TP63: variants seen among roughly 807,000 people sequenced by gnomAD.
The protein encoded by TP63 is tumor protein p63, also known as tumor protein 63.
A neutral mutation model predicts 82.8 loss-of-function variants in TP63; 17 were observed. That is an observed-to-expected ratio of 0.21 (90% CI 0.14 to 0.31). The LOEUF (loss-of-function observed/expected upper bound fraction) is 0.31. Among genes scored for constraint, TP63 ranks in the 10% least tolerant of loss-of-function variants. TP63 has a pLI of 1.00. For synonymous variants in TP63, 330 were observed against 321.7 expected, an observed-to-expected ratio of 1.03 and a Z score of -0.28; for missense variants, 648 against 895.3, an observed-to-expected ratio of 0.72 and a Z score of 3.52.
intron 4 of TP63, among the ~76,000 whole-genome samples, chr3:189,824,518 C>A (rs1245625015): frequency 6.6e-6 from 1 of 152,134 alleles, no homozygotes; most frequent in Non-Finnish European, 1.5e-5. Context: ...CAGGAGTGAG[C>A]CACCGTGCCT....
At chr3:189,820,942 A>G (rs569327032) in intron 4 of TP63, among the ~76,000 whole-genome samples, 2 of 152,326 alleles carry the variant, frequency 1.3e-5, no homozygotes, top group Admixed American at 6.5e-5. Flanking sequence ...TCCTTTGCCT[A>G]GTAAGCCTTG....
intron 10 of TP63, among the ~76,000 whole-genome samples, chr3:189,874,687 A>G (rs544653956): frequency 6.6e-6 from 1 of 152,328 alleles, no homozygotes; most frequent in South Asian, 2.1e-4. Flanking sequence ...ATTGCTAATC[A>G]TATGGATGTT....
At chr3:189,796,536 T>G (rs1335450483) in intron 3 of TP63, among the ~76,000 whole-genome samples, 1 of 151,726 alleles carries the variant, frequency 6.6e-6, no homozygotes, top group Non-Finnish European at 1.5e-5. Context: ...AGTACTCATT[T>G]CTTTCTCTTT....
At chr3:189,877,322 G>T (rs1245400866) in intron 10 of TP63, among the ~76,000 whole-genome samples, 1 of 152,168 alleles carries the variant, frequency 6.6e-6, no homozygotes, top group Non-Finnish European at 1.5e-5. Flanking sequence ...ATTATCAAGG[G>T]ACATCAACGC....
intron 1 of TP63, among the ~76,000 whole-genome samples, chr3:189,691,945 T>C (rs540942342): frequency 2.0e-5 from 3 of 152,350 alleles, no homozygotes; most frequent in South Asian, 2.1e-4. Context: ...CTTTTCAAGA[T>C]CAAGCTTGTT....
chr3:189,786,880 G>C (rs1364025680), intron 3 of TP63, among the ~76,000 whole-genome samples: 1 of 151,964 alleles, frequency 6.6e-6, no homozygotes, highest in Non-Finnish European at 1.5e-5. Context: ...ATTAATGCAT[G>C]TTACTAAACA....
chr3:189,682,846 C>T (rs1034434053), intron 1 of TP63, among the ~76,000 whole-genome samples: 3 of 151,922 alleles, frequency 2.0e-5, no homozygotes, highest in Non-Finnish European at 2.9e-5. Flanking sequence ...TACTTCTAGA[C>T]TAGAACTCTT....
chr3:189,799,315 G>A lies in TP63; in HGVS notation c.325-8957G>A, dbSNP rs114204339. ...TAAAATCATGGAAATTAGGCAGGGA[G>A]GGACCAATTTTGTGGCCTATCTACC... On this transcript the variant is annotated intron_variant, in intron 3 of 13. Coordinates refer to ENST00000264731, the MANE Select transcript of TP63 (RefSeq NM_003722.5). Among the ~76,000 whole-genome samples the A allele has an allele frequency of 6.2e-3, 947 of 152,082 alleles. 7 individuals carry two copies. Among genetic ancestry groups the A allele is most frequent in the African/African-American group, 0.022 (906 of 41,522 alleles).
chr3:189,789,734 T>TG (rs1263671418), intron 3 of TP63: 58 of 1,336,902 alleles, frequency 4.3e-5, no homozygotes, highest in Admixed American at 3.1e-4. Context: ...GGTCTCGGGG[T>TG]GGGGGGGTTG....
chr3:189,889,226 A>C, intron 11 of TP63, 114 bp from the exon 12 acceptor site: 1 of 1,480,530 alleles, frequency 6.8e-7, no homozygotes, highest in South Asian at 1.2e-5. Context: ...AAGATTAAAA[A>C]GGAAGGCTGG....
the TP63 span, among the ~76,000 whole-genome samples, chr3:189,606,712 C>A: frequency 6.6e-6 from 1 of 151,638 alleles, no homozygotes; most frequent in Non-Finnish European, 1.5e-5. Context: ...GTCATGTTGC[C>A]CAGGCTGGTC....
chr3:189,809,915 T>G (rs189073371), intron 4 of TP63, among the ~76,000 whole-genome samples: 11 of 152,244 alleles, frequency 7.2e-5, no homozygotes, highest in African/African-American at 2.7e-4. Context: ...CAGAAACTTG[T>G]GTGTAGCTGG....
chr3:189,640,435 C>T (rs545955751), intron 1 of TP63, among the ~76,000 whole-genome samples: 3 of 152,056 alleles, frequency 2.0e-5, no homozygotes, highest in Non-Finnish European at 4.4e-5. Context: ...AATTCTGCAA[C>T]AAAATGTGAA....
chr3:189,756,091 A>T (rs182104874), intron 3 of TP63, among the ~76,000 whole-genome samples: 2 of 152,180 alleles, frequency 1.3e-5, no homozygotes, highest in Non-Finnish European at 2.9e-5. Flanking sequence ...AATCTTGAAC[A>T]TGGGAATGGA....
chr3:189,639,242 C>G (rs1335939326), intron 1 of TP63, among the ~76,000 whole-genome samples: 1 of 152,118 alleles, frequency 6.6e-6, no homozygotes, highest in Non-Finnish European at 1.5e-5. Flanking sequence ...TACACACTTC[C>G]CAACCTCTGC....
intron 4 of TP63, among the ~76,000 whole-genome samples, chr3:189,859,055 C>T (rs1577121645): frequency 6.6e-6 from 1 of 152,056 alleles, no homozygotes; most frequent in Non-Finnish European, 1.5e-5. Flanking sequence ...TTCTATTGCA[C>T]AGTAGGATGA....
intron 10 of TP63, among the ~76,000 whole-genome samples, chr3:189,875,288 C>T (rs963946291): frequency 1.3e-5 from 2 of 151,832 alleles, no homozygotes; most frequent in South Asian, 2.1e-4. Flanking sequence ...AAACTGTAGG[C>T]CGGGCACGGT....
chr3:189,599,017 G>A, the TP63 span, among the ~76,000 whole-genome samples: 1 of 152,216 alleles, frequency 6.6e-6, no homozygotes, highest in East Asian at 1.9e-4. Context: ...GCTGAAGGAG[G>A]AAGCAGGTTT....
rs192981555 is a variant in TP63, at chr3:189,735,009, A to G, written c.63-2731A>G. ...CATTTACTCCTCAAAACACTAAAAT[A>G]TTTTGAGGGTGTCATTAATCTACAG... On this transcript the variant is annotated intron_variant, in intron 1 of 13. Coordinates refer to ENST00000264731, the MANE Select transcript of TP63 (RefSeq NM_003722.5). Among the ~76,000 whole-genome samples the G allele has an allele frequency of 6.8e-4, 104 of 152,258 alleles. 2 individuals carry two copies. Among genetic ancestry groups the G allele is most frequent in the Non-Finnish European group, 1.2e-4 (8 of 68,028 alleles).
Sources: gnomAD v4.1 joint callset for allele counts (sites outside exome capture counted in the v4.1 genomes callset) on GRCh38, gnomAD v4.1.1 for gene constraint, MANE v1.5 for transcripts, NCBI Gene and HGNC (gene_info 2026-07-23, HGNC 2026-07-21) for gene names.